The following NLGN4X variants were observed in gnomAD, a reference collection of about 807,000 sequenced individuals.
The protein encoded by NLGN4X is neuroligin 4 X-linked.
NLGN4X carries 3 observed loss-of-function variants against 40.3 expected under a neutral mutation model. The ratio of observed to expected loss-of-function variants is 0.07; its 90% CI spans 0.03 to 0.19. The LOEUF is 0.19. Ranked by LOEUF, NLGN4X falls within the 10% of genes least tolerant of loss-of-function variation. The pLI, the probability that NLGN4X is intolerant of heterozygous loss-of-function variation, is 1.00. For missense variants in NLGN4X, 382 were observed against 708.3 expected (o/e 0.54, Z 5.23); for synonymous variants, 270 against 306.8 (o/e 0.88, Z 1.25).
intron 1 of NLGN4X, among the ~76,000 whole-genome samples, chrX:6,165,521 A>T (rs1017233216): frequency 8.9e-6 from 1 of 112,054 alleles, no homozygotes; most frequent in Non-Finnish European, 1.9e-5. Context: ...ATAGCAGTCA[A>T]TATTAATTGA....
At chrX:5,907,500 T>C (rs1481618238) in intron 4 of NLGN4X, among the ~76,000 whole-genome samples, 1 of 112,090 alleles carries the variant, frequency 8.9e-6, no homozygotes, top group East Asian at 2.8e-4. Context: ...CATAACCATC[T>C]ACTGCTTAGG....
intron 2 of NLGN4X, among the ~76,000 whole-genome samples, chrX:6,068,834 C>G (rs2037987684): frequency 9.0e-6 from 1 of 111,446 alleles, no homozygotes; most frequent in South Asian, 3.8e-4. Flanking sequence ...TTTGAACACT[C>G]CATTGCAAAA....
chrX:6,152,189 C>A (rs143119292), intron 1 of NLGN4X, among the ~76,000 whole-genome samples: 196 of 111,297 alleles, frequency 1.8e-3, no homozygotes, highest in African/African-American at 6.3e-3. Context: ...TCCTACCCCT[C>A]GACCTTTCAA....
chrX:6,063,469 C>A (rs2037823952), intron 2 of NLGN4X, among the ~76,000 whole-genome samples: 1 of 111,670 alleles, frequency 9.0e-6, no homozygotes, highest in African/African-American at 3.3e-5. Flanking sequence ...AATGACAGGG[C>A]AAGACCCTGT....
intron 2 of NLGN4X, among the ~76,000 whole-genome samples, chrX:6,129,912 G>A (rs184084682): frequency 1.6e-3 from 171 of 105,008 alleles, no homozygotes; most frequent in African/African-American, 5.7e-3. Flanking sequence ...GAGACACAGC[G>A]TCTTGCTCTG....
intron 2 of NLGN4X, among the ~76,000 whole-genome samples, chrX:6,138,276 G>C (rs769281619): frequency 8.9e-6 from 1 of 111,897 alleles, no homozygotes; most frequent in East Asian, 2.8e-4. Context: ...TTCATAACCT[G>C]TAATGTGATG....
In NLGN4X at chrX:6,225,681, C is replaced by CTTTTTTTTTT. The variant is rs1569309354; in HGVS notation, c.-306+2859_-306+2860insAAAAAAAAAA. 9.5e-4 allele frequency among the ~76,000 whole-genome samples: 32 copies of CTTTTTTTTTT among 33,789 alleles called. 1 individual carries two copies. The highest frequency in any genetic ancestry group is 1.2e-3 in the African/African-American group (10 of 8,202). 29.3% of individuals were successfully genotyped at this position (33,789 alleles called of 115,157 possible). A position where few individuals can be genotyped will look rare whatever the true frequency, so the allele number is the denominator to read the frequency against. ...CTTTTTCTTTTCCTTTTTTTTCTTT[C>CTTTTTTTTTT]TTTTTTTCTTTTTTTTTTTTTTTTT... On this transcript the variant is annotated intron_variant, in intron 1 of 5. Transcript: ENST00000381095.
At chrX:6,179,259 T>A (rs368636932) in intron 1 of NLGN4X, among the ~76,000 whole-genome samples, 4 of 111,293 alleles carry the variant, frequency 3.6e-5, no homozygotes, top group Non-Finnish European at 7.5e-5. Context: ...TATCCACTAA[T>A]AACTGAAAAA....
At chrX:5,953,453 T>G (rs748063786) in intron 3 of NLGN4X, among the ~76,000 whole-genome samples, 1 of 111,879 alleles carries the variant, frequency 8.9e-6, no homozygotes, top group South Asian at 3.8e-4. Context: ...TTAAAATAAC[T>G]AAAGAGTGGA....
chrX:6,116,391 C>CTTTTTTT lies in NLGN4X; in HGVS notation c.472+34597_472+34603dup, dbSNP rs1157468420. 6.9e-3 allele frequency among the ~76,000 whole-genome samples: 154 copies of CTTTTTTT among 22,292 alleles called. 39 individuals carry two copies. Among genetic ancestry groups the CTTTTTTT allele is most frequent in the Non-Finnish European group, 9.6e-3 (129 of 13,404 alleles). The allele number at this position is 22,292 out of a possible 115,157, so 19.4% of individuals were successfully genotyped here. A position where few individuals can be genotyped will look rare whatever the true frequency, so the allele number is the denominator to read the frequency against. ...ACAAGTAGGTATTGAACCTTTCTTT[C>CTTTTTTT]TTTTTTTTTTTTTTTTTTTTTTTTT... On this transcript the variant is annotated intron_variant, in intron 2 of 5. Coordinates refer to ENST00000381095, the MANE Select transcript of NLGN4X (RefSeq NM_181332.3).
chrX:5,953,735 A>G (rs1454119433), intron 3 of NLGN4X, among the ~76,000 whole-genome samples: 1 of 112,321 alleles, frequency 8.9e-6, no homozygotes, highest in Non-Finnish European at 1.9e-5. Flanking sequence ...GTTCGCCTGT[A>G]ATATGCTCTT....
At chrX:5,955,005 T>C (rs1339376782) in intron 3 of NLGN4X, among the ~76,000 whole-genome samples, 1 of 112,027 alleles carries the variant, frequency 8.9e-6, no homozygotes, top group Non-Finnish European at 1.9e-5. Flanking sequence ...GCTCTTGAAA[T>C]TGATGAAAGT....
chrX:6,112,321 T>A (rs939442619), intron 2 of NLGN4X, among the ~76,000 whole-genome samples: 2 of 111,237 alleles, frequency 1.8e-5, no homozygotes, highest in Non-Finnish European at 3.8e-5. Flanking sequence ...AGGGATTTTC[T>A]AAAAAGCTAT....
chrX:5,977,653 AC>A (rs2035218303), intron 3 of NLGN4X, among the ~76,000 whole-genome samples: 1 of 111,237 alleles, frequency 9.0e-6, no homozygotes, highest in Non-Finnish European at 1.9e-5. Context: ...GCTATTCAAT[AC>A]CTTAAAATGC....
At chrX:5,898,785 G>A (rs1156883996) in intron 5 of NLGN4X, among the ~76,000 whole-genome samples, 1 of 112,261 alleles carries the variant, frequency 8.9e-6, no homozygotes, top group African/African-American at 3.2e-5. Context: ...ATCTGAGTGT[G>A]TGCTCTGCAA....
intron 2 of NLGN4X, among the ~76,000 whole-genome samples, chrX:6,072,882 C>T: frequency 8.9e-6 from 1 of 112,065 alleles, no homozygotes; most frequent in Non-Finnish European, 1.9e-5. Context: ...ACCAGCAGCC[C>T]GAATTAAGTC....
At chrX:6,196,414 T>C (rs911220902) in intron 1 of NLGN4X, among the ~76,000 whole-genome samples, 1 of 107,847 alleles carries the variant, frequency 9.3e-6, no homozygotes, top group African/African-American at 3.4e-5. Flanking sequence ...TAGCCGGGCG[T>C]GGTGGCGGGC....
chrX:6,081,662 A>C (rs2038353313), intron 2 of NLGN4X, among the ~76,000 whole-genome samples: 2 of 112,100 alleles, frequency 1.8e-5, no homozygotes, highest in African/African-American at 6.5e-5. Flanking sequence ...GCCTGTGTCA[A>C]GGGAGTTGCA....
At chrX:6,034,972 G>T (rs2036965264) in intron 2 of NLGN4X, among the ~76,000 whole-genome samples, 1 of 111,693 alleles carries the variant, frequency 9.0e-6, no homozygotes. Flanking sequence ...CTCCTAAAGT[G>T]CTGGGATTAC....
Sources: allele counts gnomAD v4.1 joint callset (sites outside exome capture counted in the v4.1 genomes callset), GRCh38; gene constraint gnomAD v4.1.1; transcripts MANE v1.5; gene names NCBI Gene and HGNC (gene_info 2026-07-23, HGNC 2026-07-21).